The following SMYD3 variants were observed in gnomAD, a reference collection of about 807,000 sequenced individuals.
SMYD3 encodes the protein SET and MYND domain containing 3, also known as histone-lysine N-methyltransferase SMYD3.
In SMYD3, 36 loss-of-function variants were observed where a neutral mutation model predicts 57.7. The ratio of observed to expected loss-of-function variants is 0.62; its 90% CI spans 0.48 to 0.82. The LOEUF is 0.82. Ranked by LOEUF, SMYD3 falls within the 40% of genes least tolerant of loss-of-function variation. SMYD3 has a pLI of 0.00. For synonymous variants in SMYD3, 211 were observed against 195.0 expected, an observed-to-expected ratio of 1.08 and a Z score of -0.68; for missense variants, 515 against 538.8, an observed-to-expected ratio of 0.96 and a Z score of 0.44.
At chr1:246,327,479 T>C in intron 4 of SMYD3, 142 bp from the exon 5 acceptor site, 1 of 778,026 alleles carries the variant, frequency 1.3e-6, no homozygotes. Flanking sequence ...TATTGTTTTA[T>C]CTTTTGACAA....
intron 5 of SMYD3, among the ~76,000 whole-genome samples, chr1:246,164,039 C>A (rs1194534480): frequency 6.6e-6 from 1 of 152,168 alleles, no homozygotes; most frequent in Non-Finnish European, 1.5e-5. Flanking sequence ...CTCCTCTACC[C>A]CCACCCTAGC....
At chr1:246,506,987 A>ACCCC in intron 1 of SMYD3, 67 bp downstream of exon 1, 8 of 634,678 alleles carry the variant, frequency 1.3e-5, no homozygotes, top group African/African-American at 3.6e-5. Context: ...CGGCCGCCCG[A>ACCCC]CGCCCCCCCC....
At chr1:246,325,549 A>G (rs1440840084) in intron 5 of SMYD3, among the ~76,000 whole-genome samples, 2 of 152,124 alleles carry the variant, frequency 1.3e-5, no homozygotes, top group Admixed American at 1.3e-4. Context: ...CATTATATTA[A>G]AAATTGGTAC....
chr1:246,123,107 T>C (rs2148033301), intron 5 of SMYD3, among the ~76,000 whole-genome samples: 1 of 152,302 alleles, frequency 6.6e-6, no homozygotes, highest in Non-Finnish European at 1.5e-5. Context: ...GAAAATTGAA[T>C]AACAATTACA....
chr1:246,156,187 C>A (rs552587693), intron 5 of SMYD3, among the ~76,000 whole-genome samples: 22 of 152,114 alleles, frequency 1.4e-4, no homozygotes, highest in African/African-American at 5.3e-4. Flanking sequence ...TGAATCATTT[C>A]TAGTAAATGG....
At chr1:246,457,550 AAAAG>A (rs2067721020) in intron 1 of SMYD3, among the ~76,000 whole-genome samples, 3 of 75,678 alleles carry the variant, frequency 4.0e-5, no homozygotes, top group East Asian at 2.4e-4. Flanking sequence ...AAAAAAAAAG[AAAAG>A]AAAAGAAAAG....
intron 8 of SMYD3, among the ~76,000 whole-genome samples, chr1:245,895,662 T>C (rs1383723417): frequency 1.3e-5 from 2 of 152,260 alleles, no homozygotes; most frequent in Non-Finnish European, 2.9e-5. Flanking sequence ...AGACAATCAT[T>C]GTTTCTTCCT....
At chr1:246,439,845 G>A (rs1365540022) in intron 1 of SMYD3, among the ~76,000 whole-genome samples, 2 of 152,126 alleles carry the variant, frequency 1.3e-5, no homozygotes, top group African/African-American at 4.8e-5. Flanking sequence ...AGCTACCAGG[G>A]AGGATGGGAT....
chr1:246,034,291 A>G (rs2059731281), intron 5 of SMYD3, among the ~76,000 whole-genome samples: 1 of 152,184 alleles, frequency 6.6e-6, no homozygotes, highest in African/African-American at 2.4e-5. Flanking sequence ...TTGAGGAAGT[A>G]TTATTTCACG....
In SMYD3 at chr1:246,130,802, C is replaced by T. The variant is rs1170326521; in HGVS notation, c.531+196399G>A. The stretch of plus-strand genomic sequence containing the variant: ...TTCCTTCCAGTCTTGACTCTCTAAT[C>T]TATATTTCATGCCATGAACAAGAAT... On this transcript the variant is annotated intron_variant, in intron 5 of 11. Coordinates refer to ENST00000490107, the MANE Select transcript of SMYD3 (RefSeq NM_001167740.2). 3.9e-5 allele frequency among the ~76,000 whole-genome samples: 6 copies of T among 152,192 alleles called. No individual in the cohort carries two copies. The East Asian group carries it at 1.2e-3, about 29-fold the overall frequency.
chr1:246,193,735 C>T (rs1001419755), intron 5 of SMYD3: 1 of 122,772 alleles, frequency 8.1e-6, no homozygotes, highest in Non-Finnish European at 2.0e-5. Context: ...GCCAGCAGCA[C>T]AACAGCACAC....
chr1:245,784,143 T>G (rs1165574120), intron 10 of SMYD3, among the ~76,000 whole-genome samples: 1 of 152,218 alleles, frequency 6.6e-6, no homozygotes, highest in Non-Finnish European at 1.5e-5. Flanking sequence ...TCTAGAGAAG[T>G]ACACTACTGA....
intron 5 of SMYD3, chr1:246,193,688 C>T (rs1333756429): frequency 6.6e-6 from 1 of 152,398 alleles, no homozygotes. Context: ...AGACACAGCC[C>T]TAGTGGTCTT....
At chr1:246,352,483 T>C (rs6692072) in intron 2 of SMYD3, among the ~76,000 whole-genome samples, 23,678 of 152,226 alleles carry the variant, frequency 0.16, 2,108 homozygotes, top group East Asian at 0.3. Flanking sequence ...ATGTTTAATG[T>C]TGTATTTTAA....
intron 10 of SMYD3, among the ~76,000 whole-genome samples, chr1:245,842,941 C>T (rs1245067050): frequency 1.3e-5 from 2 of 152,132 alleles, no homozygotes; most frequent in Non-Finnish European, 2.9e-5. Flanking sequence ...AAACTTCTTG[C>T]CTCGAGGGAT....
intron 5 of SMYD3, among the ~76,000 whole-genome samples, chr1:245,989,334 A>G (rs1440917212): frequency 6.6e-6 from 1 of 152,046 alleles, no homozygotes; most frequent in Non-Finnish European, 1.5e-5. Flanking sequence ...GTACTTGACC[A>G]TTTCCTCTCT....
At chr1:246,272,125 T>C (rs1255695578) in intron 5 of SMYD3, among the ~76,000 whole-genome samples, 1 of 152,264 alleles carries the variant, frequency 6.6e-6, no homozygotes, top group Non-Finnish European at 1.5e-5. Flanking sequence ...TTTTGTGTAT[T>C]CACGTTGTGC....
At position 246,073,643 on chromosome 1, in the gene SMYD3, G is replaced by A. The variant is rs138315318; in HGVS notation, c.532-143706C>T. Among the ~76,000 whole-genome samples, 45 of 152,256 alleles carry A rather than the reference G, an allele frequency of 3.0e-4. 1 individual carries two copies. The East Asian group carries it at 4.1e-3, about 14-fold the overall frequency. On this transcript the variant is annotated intron_variant, in intron 5 of 11. Transcript: ENST00000490107. Reference sequence around the variant, plus strand: ...GAGGTGGAAAGATTGCTGGAGACCCGGAGGCAGAGGTTGCAGCAAGCCAAG... The same window carrying A: ...GAGGTGGAAAGATTGCTGGAGACCCAGAGGCAGAGGTTGCAGCAAGCCAAG...
At chr1:246,207,360 C>T (rs1379459707) in intron 5 of SMYD3, among the ~76,000 whole-genome samples, 3 of 152,086 alleles carry the variant, frequency 2.0e-5, no homozygotes, top group African/African-American at 7.3e-5. Context: ...ACGTTTTCAT[C>T]GTTATCAGTG....
Sources: gnomAD v4.1 joint callset for allele counts (sites outside exome capture counted in the v4.1 genomes callset) on GRCh38, gnomAD v4.1.1 for gene constraint, MANE v1.5 for transcripts, NCBI Gene and HGNC (gene_info 2026-07-23, HGNC 2026-07-21) for gene names.